Variants in ABAT observed in about 807,000 individuals in gnomAD.
ABAT encodes 4-aminobutyrate aminotransferase, mitochondrial.
In ABAT, 45 loss-of-function variants were observed where a neutral mutation model predicts 64.6. That is an observed-to-expected ratio of 0.70 (90% CI 0.55 to 0.89). The LOEUF (loss-of-function observed/expected upper bound fraction) is 0.89. Ranked by LOEUF, ABAT falls within the 40% of genes least tolerant of loss-of-function variation. The pLI, the probability that ABAT is intolerant of heterozygous loss-of-function variation, is 0.00. For synonymous variants in ABAT, 297 were observed against 250.5 expected, an observed-to-expected ratio of 1.19 and a Z score of -1.75; for missense variants, 633 against 658.4, an observed-to-expected ratio of 0.96 and a Z score of 0.42.
At position 8,782,196 on chromosome 16, in the gene ABAT, G is replaced by T. The variant is rs1311475886; in HGVS notation, c.*766G>T. On this transcript the variant is annotated 3_prime_UTR_variant, in exon 16 of 16. Coordinates refer to ENST00000268251, the MANE Select transcript of ABAT (RefSeq NM_020686.6). The stretch of plus-strand genomic sequence containing the variant: ...CTCCTCCCTGTTAAATGTCAACCTA[G>T]ACCTGGACCTGGGTGGGAGGAAACT... 1 of 152,964 alleles carries T rather than the reference G, an allele frequency of 6.5e-6. No individual in the cohort carries two copies. The highest frequency in any genetic ancestry group is 1.5e-5 in the Non-Finnish European group (1 of 68,684). The allele number at this position is 152,964 out of a possible 1,614,324, so 9.5% of individuals were successfully genotyped here. A position where few individuals can be genotyped will look rare whatever the true frequency, so the allele number is the denominator to read the frequency against.
chr16:8,737,532 A>G (rs902171024), intron 2 of ABAT: 2 of 152,024 alleles, frequency 1.3e-5, no homozygotes, highest in Admixed American at 1.3e-4. Context: ...AGATTTACAG[A>G]GAAGTTACAA....
chr16:8,761,625 C>G (rs754959828), intron 6 of ABAT, among the ~76,000 whole-genome samples: 3 of 152,184 alleles, frequency 2.0e-5, no homozygotes, highest in African/African-American at 7.2e-5. Flanking sequence ...AGCACCCTGA[C>G]GCAGTCTTAG....
At chr16:8,749,753 G>A (rs375780431) in intron 4 of ABAT, among the ~76,000 whole-genome samples, 5 of 149,736 alleles carry the variant, frequency 3.3e-5, no homozygotes, top group African/African-American at 7.4e-5. Context: ...TCACTCTGTC[G>A]CCCCAGGTTG....
At chr16:8,705,237 G>T (rs1033679127) in intron 1 of ABAT, among the ~76,000 whole-genome samples, 11 of 152,080 alleles carry the variant, frequency 7.2e-5, no homozygotes, top group Non-Finnish European at 1.6e-4. Context: ...GGGGAAGCAG[G>T]CACCTTCTTC....
intron 1 of ABAT, among the ~76,000 whole-genome samples, chr16:8,733,132 C>A (rs1172951396): frequency 2.0e-5 from 3 of 150,202 alleles, no homozygotes; most frequent in African/African-American, 7.4e-5. Context: ...GGCTGACCCC[C>A]CCCCACCTCC....
In ABAT at chr16:8,768,834, C is replaced by T. The variant is rs372807667; in HGVS notation, c.677C>T (p.Ala226Val). 36 of 1,614,038 alleles carry T rather than the reference C, an allele frequency of 2.2e-5. No homozygotes were observed. Among genetic ancestry groups the T allele is most frequent in the African/African-American group, 4.0e-5 (3 of 74,904 alleles). Residue 226 changes from alanine to valine, a missense_variant, in exon 11 of 16, where the codon GCG (alanine) becomes GTG (valine). Coordinates refer to ENST00000268251, the MANE Select transcript of ABAT (RefSeq NM_020686.6). Reference protein sequence around the residue: ...AFHGRTMGCLATTHSKAIHKI... With the variant: ...AFHGRTMGCLVTTHSKAIHKI... ...GTTTTGCTGAACTCAGGTTGCTTAG[C>T]GACCACGCACTCTAAAGCCATTCAC...
chr16:8,696,685 C>T (rs2057710442), intron 1 of ABAT, among the ~76,000 whole-genome samples: 1 of 152,050 alleles, frequency 6.6e-6, no homozygotes, highest in South Asian at 2.1e-4. Flanking sequence ...TCTGGCCAGC[C>T]CTTCTTCTGG....
rs546952583 is a variant in ABAT, at chr16:8,743,598, TATATA to T, written c.71-2397_71-2393del. On this transcript the variant is annotated intron_variant, in intron 2 of 15. Transcript: ENST00000268251. The stretch of plus-strand genomic sequence containing the variant: ...AATATATAATATATTTTAGTTGTAA[TATATA>T]ATATATATTTTAGTTATATGATATA... Among the ~76,000 whole-genome samples the T allele has an allele frequency of 7.6e-3, 1,097 of 145,234 alleles. 15 individuals carry two copies. Among genetic ancestry groups the T allele is most frequent in the African/African-American group, 0.025 (1,011 of 39,770 alleles).
At chr16:8,780,763 TAA>T (rs60149541) in intron 15 of ABAT, 5,979 of 136,728 alleles carry the variant, frequency 0.044, 73 homozygotes, top group South Asian at 0.07. Flanking sequence ...ACTCCATCTC[TAA>T]AAAAAAAAAA....
intron 2 of ABAT, among the ~76,000 whole-genome samples, chr16:8,741,391 G>T (rs1251906252): frequency 6.6e-6 from 1 of 152,210 alleles, no homozygotes; most frequent in Non-Finnish European, 1.5e-5. Flanking sequence ...CAGGTCAGAT[G>T]GGCAAATTTC....
intron 6 of ABAT, among the ~76,000 whole-genome samples, chr16:8,763,758 T>C (rs2142915754): frequency 6.6e-6 from 1 of 152,288 alleles, no homozygotes; most frequent in South Asian, 2.1e-4. Flanking sequence ...TCACGGGAAG[T>C]TGCAAAAACC....
chr16:8,752,869 A>G (rs2059530225), intron 5 of ABAT, among the ~76,000 whole-genome samples: 1 of 152,166 alleles, frequency 6.6e-6, no homozygotes, highest in Non-Finnish European at 1.5e-5. Context: ...TTTTTAAGTT[A>G]ATACTTATAG....
intron 1 of ABAT, among the ~76,000 whole-genome samples, chr16:8,677,574 A>C (rs1448037342): frequency 6.6e-6 from 1 of 152,204 alleles, no homozygotes; most frequent in Non-Finnish European, 1.5e-5. Context: ...CAGTTGGGTC[A>C]GAGGATTCTT....
intron 6 of ABAT, among the ~76,000 whole-genome samples, chr16:8,759,601 C>T (rs1336195679): frequency 6.6e-6 from 1 of 152,184 alleles, no homozygotes; most frequent in Admixed American, 6.5e-5. Flanking sequence ...CAGCCTCGAC[C>T]TCCCAGGCTC....
intron 4 of ABAT, 146 bp from the exon 5 acceptor site, chr16:8,750,276 G>T (rs1000462956): frequency 1.3e-6 from 1 of 755,778 alleles, no homozygotes; most frequent in Admixed American, 2.0e-5. Flanking sequence ...GCCAAAACAA[G>T]AAATACATTG....
chr16:8,735,173 CA>C (rs79765636), intron 1 of ABAT, among the ~76,000 whole-genome samples: 2,320 of 72,476 alleles, frequency 0.032, 30 homozygotes, highest in African/African-American at 0.066. Context: ...GACTCCATCT[CA>C]AAAAAAAAAA....
At chr16:8,678,037 G>A (rs1305691070) in intron 1 of ABAT, among the ~76,000 whole-genome samples, 1 of 152,052 alleles carries the variant, frequency 6.6e-6, no homozygotes, top group Non-Finnish European at 1.5e-5. Context: ...TCCAGCCTGG[G>A]TGACAGAGTG....
Position 8,757,664 on chromosome 16 carries a change from G to T in ABAT, c.317-93G>T, listed in dbSNP as rs952166510. On this transcript the variant is annotated intron_variant, in intron 5 of 15. Transcript: ENST00000268251. ...TTTGGTTTTTAAAGAGAGTTGGGGG[G>T]TTGGAAAGGAAGGGAGAGGGAAGGA... The T allele has an allele frequency of 2.2e-6, 3 of 1,346,876 alleles. No individual in the cohort carries two copies. In the African/African-American group the frequency reaches 4.3e-5, roughly 19 times the overall value. The allele number at this position is 1,346,876 out of a possible 1,614,324, so 83.4% of individuals were successfully genotyped here.
intron 1 of ABAT, chr16:8,714,649 G>C (rs1004085053): frequency 1.3e-5 from 2 of 152,524 alleles, no homozygotes; most frequent in Non-Finnish European, 2.9e-5. Context: ...GTGTGTGCAA[G>C]CTGGCAGCCA....
Sources: gnomAD v4.1 joint callset for allele counts (sites outside exome capture counted in the v4.1 genomes callset) on GRCh38, gnomAD v4.1.1 for gene constraint, MANE v1.5 for transcripts, NCBI Gene and HGNC (gene_info 2026-07-23, HGNC 2026-07-21) for gene names.